Variants in PRR5L observed in about 807,000 individuals in gnomAD.
The protein encoded by PRR5L is proline rich 5 like.
PRR5L carries 21 observed loss-of-function variants against 36.4 expected under a neutral mutation model. The ratio of observed to expected loss-of-function variants is 0.58; its 90% confidence interval spans 0.41 to 0.83. The LOEUF is 0.83. Among genes scored for constraint, PRR5L ranks in the 40% least tolerant of loss-of-function variants. PRR5L has a pLI of 0.00. For missense variants in PRR5L, 381 were observed against 473.3 expected, an observed-to-expected ratio of 0.80 and a Z score of 1.81; for synonymous variants, 188 against 197.0, an observed-to-expected ratio of 0.95 and a Z score of 0.38.
chr11:36,309,873 C>T (rs1003550345), intron 1 of PRR5L, among the ~76,000 whole-genome samples: 1 of 142,004 alleles, frequency 7.0e-6, no homozygotes, highest in African/African-American at 2.6e-5. Context: ...TCTATGATGT[C>T]TCAAAGTGTC....
chr11:36,399,385 G>A (rs1447528959), intron 1 of PRR5L, among the ~76,000 whole-genome samples: 2 of 152,096 alleles, frequency 1.3e-5, no homozygotes, highest in Admixed American at 1.3e-4. Context: ...CCTGTTGCCT[G>A]CAGATAGCTG....
chr11:36,376,615 A>G, intron 1 of PRR5L: 1 of 992,650 alleles, frequency 1.0e-6, no homozygotes, highest in Non-Finnish European at 1.2e-6. Flanking sequence ...GGAAGACCGG[A>G]AACTTTTTCC....
chr11:36,315,794 A>C (rs532433807), intron 1 of PRR5L, among the ~76,000 whole-genome samples: 1 of 152,364 alleles, frequency 6.6e-6, no homozygotes, highest in East Asian at 1.9e-4. Context: ...GGATATGCAA[A>C]AACCAATATT....
chr11:36,410,122 T>A (rs1857993757), intron 3 of PRR5L, among the ~76,000 whole-genome samples: 1 of 152,234 alleles, frequency 6.6e-6, no homozygotes, highest in African/African-American at 2.4e-5. Context: ...TTGTACCTGC[T>A]GTGGCTGAGA....
chr11:36,372,971 A>C (rs1857212064), intron 1 of PRR5L, among the ~76,000 whole-genome samples: 1 of 113,838 alleles, frequency 8.8e-6, no homozygotes, highest in African/African-American at 3.3e-5. Flanking sequence ...TGCGCTGCCT[A>C]ATAGTTGTGT....
At chr11:36,453,512 C>T (rs1858985770) in intron 8 of PRR5L, among the ~76,000 whole-genome samples, 1 of 152,198 alleles carries the variant, frequency 6.6e-6, no homozygotes, top group South Asian at 2.1e-4. Context: ...AGAGAGTTGT[C>T]GCACTAGGGG....
intron 3 of PRR5L, among the ~76,000 whole-genome samples, chr11:36,415,838 C>T (rs1294894055): frequency 6.6e-6 from 1 of 152,158 alleles, no homozygotes; most frequent in African/African-American, 2.4e-5. Context: ...ATTCTAAGGG[C>T]CTATGGGGAA....
At chr11:36,420,878 C>CACACACACAT (rs61547400) in intron 4 of PRR5L, among the ~76,000 whole-genome samples, 2 of 150,232 alleles carry the variant, frequency 1.3e-5, no homozygotes, top group Non-Finnish European at 3.0e-5. Flanking sequence ...CACACACACA[C>CACACACACAT]GGACAGCTCC....
chr11:36,432,545 G>T (rs1858522877), intron 5 of PRR5L, among the ~76,000 whole-genome samples: 2 of 152,156 alleles, frequency 1.3e-5, no homozygotes, highest in East Asian at 1.9e-4. Context: ...CCAAAGTGGG[G>T]CTTGATCTTA....
chr11:36,362,339 C>A (rs1420357565), intron 1 of PRR5L, among the ~76,000 whole-genome samples: 1 of 151,650 alleles, frequency 6.6e-6, no homozygotes, highest in Non-Finnish European at 1.5e-5. Context: ...TGCTGACGTG[C>A]CTTTTCCCCA....
intron 1 of PRR5L, among the ~76,000 whole-genome samples, chr11:36,352,080 G>A (rs868097484): frequency 7.9e-5 from 12 of 151,614 alleles, no homozygotes; most frequent in South Asian, 2.1e-4. Flanking sequence ...CTGCATCCCC[G>A]CCAACATCTA....
At chr11:36,368,194 C>G (rs1241373829) in intron 1 of PRR5L, among the ~76,000 whole-genome samples, 1 of 151,934 alleles carries the variant, frequency 6.6e-6, no homozygotes, top group Non-Finnish European at 1.5e-5. Context: ...ATGAAAAGAG[C>G]AACATCTAAG....
chr11:36,390,846 A>T (rs1376655753), intron 1 of PRR5L, among the ~76,000 whole-genome samples: 2 of 152,206 alleles, frequency 1.3e-5, no homozygotes, highest in Non-Finnish European at 2.9e-5. Flanking sequence ...GCAGTCAGTA[A>T]ATGGTGCTAT....
At chr11:36,309,654 GAT>G (rs370631221) in intron 1 of PRR5L, among the ~76,000 whole-genome samples, 3 of 151,822 alleles carry the variant, frequency 2.0e-5, no homozygotes, top group African/African-American at 2.4e-5. Context: ...TGGGGATGAT[GAT>G]GGTGGTGGTG....
chr11:36,371,812 G>T (rs151263920), intron 1 of PRR5L, among the ~76,000 whole-genome samples: 1 of 152,002 alleles, frequency 6.6e-6, no homozygotes, highest in Non-Finnish European at 1.5e-5. Flanking sequence ...TAATCCCAGC[G>T]CTTTGGGAGG....
At chr11:36,351,284 A>T (rs1158767451) in intron 1 of PRR5L, among the ~76,000 whole-genome samples, 4 of 13,568 alleles carry the variant, frequency 2.9e-4, no homozygotes, top group East Asian at 8.3e-3. Flanking sequence ...ATATATATGT[A>T]TATTTATATA....
chr11:36,389,613 T>A (rs1315418686), intron 1 of PRR5L, among the ~76,000 whole-genome samples: 1 of 56,828 alleles, frequency 1.8e-5, no homozygotes, highest in African/African-American at 6.0e-5. Context: ...AAGCCCCATG[T>A]ATTTTTTTTT....
chr11:36,304,114 A>C (rs1270235485), intron 1 of PRR5L, among the ~76,000 whole-genome samples: 2 of 151,712 alleles, frequency 1.3e-5, no homozygotes, highest in Admixed American at 6.6e-5. Flanking sequence ...TTATATACCA[A>C]CTCTCTGGGG....
At chr11:36,457,548 G>C (rs995924432) in intron 8 of PRR5L, among the ~76,000 whole-genome samples, 1 of 151,330 alleles carries the variant, frequency 6.6e-6, no homozygotes, top group Non-Finnish European at 1.5e-5. Context: ...AGCGCTTGTA[G>C]TGAGCCAAGT....
Sources: allele counts gnomAD v4.1 joint callset (sites outside exome capture counted in the v4.1 genomes callset), GRCh38; gene constraint gnomAD v4.1.1; transcripts MANE v1.5; gene names NCBI Gene and HGNC (gene_info 2026-07-23, HGNC 2026-07-21).